ZNF536: variants seen among roughly 807,000 people sequenced by gnomAD.
The protein encoded by ZNF536 is zinc finger protein 536.
ZNF536 carries 13 observed loss-of-function variants against 84.5 expected under a neutral mutation model. The ratio of observed to expected loss-of-function variants is 0.15; its 90% CI spans 0.10 to 0.24. The LOEUF (loss-of-function observed/expected upper bound fraction) is 0.24. Among genes scored for constraint, ZNF536 ranks in the 10% least tolerant of loss-of-function variants. The pLI, the probability that ZNF536 is intolerant of heterozygous loss-of-function variation, is 1.00. For missense variants in ZNF536, 1,536 were observed against 1,747.5 expected (o/e 0.88, Z 2.16); for synonymous variants, 811 against 742.5 (o/e 1.09, Z -1.50).
chr19:30,509,842 G>A (rs2055337796), intron 2 of ZNF536, among the ~76,000 whole-genome samples: 1 of 152,256 alleles, frequency 6.6e-6, no homozygotes, highest in Admixed American at 6.5e-5. Context: ...AGGGGAAGAA[G>A]CAGAAGTTGG....
intron 3 of ZNF536, among the ~76,000 whole-genome samples, chr19:30,365,647 AG>A (rs1207217952): frequency 1.3e-5 from 2 of 152,178 alleles, no homozygotes; most frequent in Non-Finnish European, 2.9e-5. Context: ...TAACCTTCCC[AG>A]GCACTCCCTG....
chr19:30,444,549 C>T lies in ZNF536; in HGVS notation c.987C>T (p.Ala329=), dbSNP rs779729156. 1.9e-6 allele frequency: 3 copies of T among 1,613,454 alleles called. No homozygotes were observed. The highest frequency in any genetic ancestry group is 1.7e-6 in the Non-Finnish European group (2 of 1,179,932). The change falls in exon 2 of 5, where the codon GCC becomes GCT. Residue 329 remains alanine, a synonymous_variant. Coordinates refer to ENST00000355537, the MANE Select transcript of ZNF536 (RefSeq NM_014717.3). ...VEKAHITAES[A]QGQGPNGGGE... ...AGGCACACATCACGGCCGAGTCGGC[C>T]CAGGGCCAGGGCCCCAACGGCGGTG...
rs144687197 is a variant in ZNF536, at chr19:30,576,108, C to T, written c.169+26594C>T. ...CTGCATTTCTCTTTTGCAGTGGGTCCCACAGATGCCATAGTGCCTCTGACC... is the reference window on the plus strand; with the variant it reads ...CTGCATTTCTCTTTTGCAGTGGGTCTCACAGATGCCATAGTGCCTCTGACC... On this transcript the variant is annotated intron_variant, in intron 1 of 1. Coordinates refer to the ZNF536 transcript ENST00000592773. 5.2e-3 allele frequency among the ~76,000 whole-genome samples: 799 copies of T among 152,260 alleles called. 7 individuals are homozygous for T. The highest frequency in any genetic ancestry group is 0.019 in the African/African-American group (777 of 41,546).
chr19:30,646,712 TG>T (rs1395978300), intron 1 of ZNF536, among the ~76,000 whole-genome samples: 1 of 152,216 alleles, frequency 6.6e-6, no homozygotes, highest in Non-Finnish European at 1.5e-5. Context: ...ATTTGAGGGA[TG>T]GTCATGTATT....
intron 1 of ZNF536, among the ~76,000 whole-genome samples, chr19:30,398,824 C>A (rs373419795): frequency 1.3e-5 from 2 of 152,156 alleles, no homozygotes; most frequent in South Asian, 2.1e-4. Flanking sequence ...CATTGATGGG[C>A]ATTTGGGTTG....
At chr19:30,323,943 C>A (rs1277995360) in intron 2 of ZNF536, among the ~76,000 whole-genome samples, 1 of 152,144 alleles carries the variant, frequency 6.6e-6, no homozygotes, top group African/African-American at 2.4e-5. Flanking sequence ...ATCTGTCCAT[C>A]CCTTTTCACC....
Position 30,653,774 on chromosome 19 carries a change from G to A in ZNF536, c.170-56983G>A, listed in dbSNP as rs905796924. Among the ~76,000 whole-genome samples, 2 of 152,176 alleles carry A rather than the reference G, an allele frequency of 1.3e-5. 1 individual carries two copies. The highest frequency in any genetic ancestry group is 4.2e-4 in the South Asian group (2 of 4,812). ...CTTCCCTTCTCCGCCAAGGGGTCCC[G>A]CCCAGCCTGCCTTGCTCATAACACA... On this transcript the variant is annotated intron_variant, in intron 1 of 1. Transcript: ENST00000592773.
chr19:30,548,668 G>T lies in ZNF536; in HGVS notation c.3049G>T (p.Ala1017Ser), dbSNP rs1400514691. 6.2e-7 allele frequency: 1 copy of T among 1,614,024 alleles called. No homozygotes were observed. The highest frequency in any genetic ancestry group is 1.7e-5 in the Admixed American group (1 of 60,018). Residue 1017 changes from alanine to serine, a missense_variant, in exon 4 of 5, where the codon GCC becomes TCC. Coordinates refer to ENST00000355537, the MANE Select transcript of ZNF536 (RefSeq NM_014717.3). ...AFTTSSMELM[A>S]LHLQANHLGK... is the part of the protein sequence containing the mutation. Reference sequence around the variant, plus strand: ...CACAACGTCCTCCATGGAGCTCATGGCCCTTCATCTCCAGGCCAACCACCT... The same window carrying T: ...CACAACGTCCTCCATGGAGCTCATGTCCCTTCATCTCCAGGCCAACCACCT...
chr19:30,603,470 T>C (rs1205967622), intron 1 of ZNF536, among the ~76,000 whole-genome samples: 1 of 152,242 alleles, frequency 6.6e-6, no homozygotes, highest in Non-Finnish European at 1.5e-5. Context: ...CTTGTTTACC[T>C]GTAAAAAATA....
chr19:30,347,957 A>AC (rs1355696078), intron 2 of ZNF536, among the ~76,000 whole-genome samples: 1 of 152,042 alleles, frequency 6.6e-6, no homozygotes, highest in African/African-American at 2.4e-5. Context: ...TCTTACTTCA[A>AC]CCCGCCACGT....
intron 1 of ZNF536, among the ~76,000 whole-genome samples, chr19:30,372,920 G>A (rs970155671): frequency 6.9e-6 from 1 of 144,516 alleles, no homozygotes; most frequent in African/African-American, 2.5e-5. Flanking sequence ...TGCTTCTAAA[G>A]TAACTTTCAG....
At chr19:30,453,199 G>A (rs540315203) in intron 2 of ZNF536, among the ~76,000 whole-genome samples, 1 of 152,320 alleles carries the variant, frequency 6.6e-6, no homozygotes, top group East Asian at 1.9e-4. Context: ...GGAACTTAGG[G>A]GAACAGGACT....
rs570723705 is a variant in ZNF536, at chr19:30,557,716, C to G, written c.*552C>G. ...ATATTGTGTCAGGTCGTCCTATTAA[C>G]CAGGAGCAGATGACAGTAAAATTTC... On this transcript the variant is annotated 3_prime_UTR_variant, in exon 5 of 5. Transcript: ENST00000355537. The G allele has an allele frequency of 6.6e-6, 1 of 152,456 alleles. No homozygotes were observed. Among genetic ancestry groups the G allele is most frequent in the South Asian group, 2.1e-4 (1 of 4,826 alleles). The allele number at this position is 152,456 out of a possible 1,614,324, so 9.4% of individuals were successfully genotyped here.
chr19:30,367,084 G>A (rs933914554), intron 3 of ZNF536, among the ~76,000 whole-genome samples: 26 of 152,340 alleles, frequency 1.7e-4, no homozygotes, highest in Middle Eastern at 3.4e-3. Flanking sequence ...TTTCAACTTC[G>A]ACAAGGGTCA....
intron 1 of ZNF536, among the ~76,000 whole-genome samples, chr19:30,654,514 G>A (rs182539150): frequency 3.3e-5 from 5 of 152,066 alleles, no homozygotes; most frequent in African/African-American, 1.2e-4. Context: ...GGTTCCTAAA[G>A]CGAAAGAACT....
chr19:30,475,671 C>T (rs1456768279), intron 2 of ZNF536, among the ~76,000 whole-genome samples: 1 of 152,172 alleles, frequency 6.6e-6, no homozygotes, highest in Non-Finnish European at 1.5e-5. Flanking sequence ...GGTACAGCCA[C>T]AGCCCACTGG....
At chr19:30,565,413 C>G (rs1271271270) in intron 1 of ZNF536, among the ~76,000 whole-genome samples, 2 of 152,160 alleles carry the variant, frequency 1.3e-5, no homozygotes, top group African/African-American at 4.8e-5. Context: ...GGGGCCCACC[C>G]TCCTGTGAAG....
At chr19:30,634,726 C>T (rs148380778) in intron 1 of ZNF536, among the ~76,000 whole-genome samples, 3 of 152,220 alleles carry the variant, frequency 2.0e-5, no homozygotes, top group Non-Finnish European at 2.9e-5. Context: ...GTCTGGCCCA[C>T]GTTACAAACT....
intron 2 of ZNF536, among the ~76,000 whole-genome samples, chr19:30,508,088 T>G (rs1001393544): frequency 6.6e-6 from 1 of 152,226 alleles, no homozygotes; most frequent in Non-Finnish European, 1.5e-5. Flanking sequence ...CCTGTGGCAC[T>G]GTGCCCCAGC....
Sources: gnomAD v4.1 joint callset for allele counts (sites outside exome capture counted in the v4.1 genomes callset) on GRCh38, gnomAD v4.1.1 for gene constraint, MANE v1.5 for transcripts, NCBI Gene and HGNC (gene_info 2026-07-23, HGNC 2026-07-21) for gene names.